Variants in ITGBL1 observed in about 807,000 individuals in gnomAD.
The protein encoded by ITGBL1 is integrin beta-like protein 1.
In ITGBL1, 51 loss-of-function variants were observed where a neutral mutation model predicts 68.5. The ratio of observed to expected loss-of-function variants is 0.74; its 90% CI spans 0.59 to 0.94. The LOEUF is 0.94. Among genes scored for constraint, ITGBL1 ranks in the 40% least tolerant of loss-of-function variants. The pLI, the probability that ITGBL1 is intolerant of heterozygous loss-of-function variation, is 0.00. For missense variants in ITGBL1, 649 were observed against 647.4 expected, an observed-to-expected ratio of 1.00 and a Z score of -0.03; for synonymous variants, 209 against 227.3, an observed-to-expected ratio of 0.92 and a Z score of 0.72.
chr13:101,484,332 C>T (rs1341420352), intron 2 of ITGBL1, among the ~76,000 whole-genome samples: 1 of 152,060 alleles, frequency 6.6e-6, no homozygotes, highest in Non-Finnish European at 1.5e-5. Flanking sequence ...ATATTTCCTG[C>T]CATGAATTTA....
At chr13:101,573,419 T>A (rs1355178664) in intron 3 of ITGBL1, among the ~76,000 whole-genome samples, 1 of 152,176 alleles carries the variant, frequency 6.6e-6, no homozygotes, top group Non-Finnish European at 1.5e-5. Context: ...TTGCAAGTGA[T>A]CTGGGTAACA....
At chr13:101,683,294 A>G (rs1387758153) in intron 7 of ITGBL1, among the ~76,000 whole-genome samples, 1 of 152,038 alleles carries the variant, frequency 6.6e-6, no homozygotes, top group African/African-American at 2.4e-5. Flanking sequence ...AAACAGTGTG[A>G]TAGTTAGACG....
chr13:101,621,685 T>C (rs1393731406), intron 7 of ITGBL1, among the ~76,000 whole-genome samples: 2 of 152,158 alleles, frequency 1.3e-5, no homozygotes, highest in South Asian at 2.1e-4. Context: ...TCTTAATGCA[T>C]TGAAATGAAG....
At chr13:101,518,124 A>G (rs755593124) in intron 2 of ITGBL1, among the ~76,000 whole-genome samples, 1 of 152,182 alleles carries the variant, frequency 6.6e-6, no homozygotes, top group Non-Finnish European at 1.5e-5. Flanking sequence ...AAATGTTAAG[A>G]AAGGAACCAA....
chr13:101,478,256 C>T (rs1307814203), intron 2 of ITGBL1, among the ~76,000 whole-genome samples: 2 of 151,616 alleles, frequency 1.3e-5, no homozygotes, highest in East Asian at 3.9e-4. Flanking sequence ...TCAGTTGATA[C>T]TGAAAAAGCA....
At chr13:101,540,661 C>G (rs1382467236) in intron 2 of ITGBL1, among the ~76,000 whole-genome samples, 1 of 152,148 alleles carries the variant, frequency 6.6e-6, no homozygotes, top group Admixed American at 6.5e-5. Context: ...GCCATTTTCA[C>G]GATATCGATT....
At chr13:101,605,043 CAT>C (rs1566753274) in intron 7 of ITGBL1, among the ~76,000 whole-genome samples, 2 of 129,628 alleles carry the variant, frequency 1.5e-5, no homozygotes, top group Non-Finnish European at 3.3e-5. Flanking sequence ...TACATATACG[CAT>C]ATATGTGTAT....
intron 2 of ITGBL1, among the ~76,000 whole-genome samples, chr13:101,530,549 A>T (rs2049455898): frequency 6.6e-6 from 1 of 152,052 alleles, no homozygotes; most frequent in Admixed American, 6.6e-5. Context: ...GGCTTCCAAA[A>T]CCAAGACTGA....
intron 2 of ITGBL1, among the ~76,000 whole-genome samples, chr13:101,472,648 G>A (rs2048478647): frequency 6.6e-6 from 1 of 152,002 alleles, no homozygotes; most frequent in Non-Finnish European, 1.5e-5. Flanking sequence ...GGCATTGGGT[G>A]GCCAGTCAAC....
intron 7 of ITGBL1, among the ~76,000 whole-genome samples, chr13:101,664,516 C>A (rs955304557): frequency 7.9e-5 from 12 of 151,698 alleles, no homozygotes; most frequent in African/African-American, 2.7e-4. Context: ...TTATTTATGT[C>A]TATAATGTAA....
chr13:101,543,361 T>C (rs1196732174), intron 2 of ITGBL1, among the ~76,000 whole-genome samples: 1 of 152,216 alleles, frequency 6.6e-6, no homozygotes, highest in Admixed American at 6.5e-5. Flanking sequence ...AAAATTCTTT[T>C]CTTTACGAAT....
At chr13:101,585,362 A>G (rs1238154563) in intron 6 of ITGBL1, among the ~76,000 whole-genome samples, 1 of 152,236 alleles carries the variant, frequency 6.6e-6, no homozygotes, top group Non-Finnish European at 1.5e-5. Flanking sequence ...TTAAACCAAG[A>G]GAATTTCAAG....
chr13:101,661,743 T>G (rs960727216), intron 7 of ITGBL1, among the ~76,000 whole-genome samples: 1 of 152,162 alleles, frequency 6.6e-6, no homozygotes, highest in Admixed American at 6.6e-5. Context: ...ACCTAATATT[T>G]TTTTTCAAAA....
chr13:101,619,539 G>A (rs143473564), intron 7 of ITGBL1, among the ~76,000 whole-genome samples: 67 of 152,242 alleles, frequency 4.4e-4, no homozygotes, highest in African/African-American at 1.5e-3. Flanking sequence ...TAGTCTTGAC[G>A]ACACCTTGAT....
At chr13:101,474,652 G>A (rs951253891) in intron 2 of ITGBL1, among the ~76,000 whole-genome samples, 3 of 152,176 alleles carry the variant, frequency 2.0e-5, no homozygotes, top group Non-Finnish European at 2.9e-5. Context: ...GACTGACCCA[G>A]AGTAGTCCCA....
intron 2 of ITGBL1, among the ~76,000 whole-genome samples, chr13:101,535,735 C>T (rs1161522879): frequency 1.3e-5 from 2 of 152,054 alleles, no homozygotes; most frequent in Non-Finnish European, 2.9e-5. Flanking sequence ...TGTTCTTAAG[C>T]TCTTCAAAGA....
At chr13:101,480,158 T>C (rs1294028879) in intron 2 of ITGBL1, among the ~76,000 whole-genome samples, 1 of 152,064 alleles carries the variant, frequency 6.6e-6, no homozygotes, top group Non-Finnish European at 1.5e-5. Flanking sequence ...TGAGATCTTG[T>C]CATTTGAAAC....
In ITGBL1 at chr13:101,544,571, T is replaced by G. The variant is rs558772616; in HGVS notation, c.317-23128T>G. ...CTGCATGCTGGGAGAACCACTACTC[T>G]TTTCAAAGCTATCAGACAGGGACAT... On this transcript the variant is annotated intron_variant, in intron 2 of 10. Transcript: ENST00000376180. 1.3e-3 allele frequency among the ~76,000 whole-genome samples: 197 copies of G among 152,204 alleles called. 2 individuals carry two copies. Among genetic ancestry groups the G allele is most frequent in the African/African-American group, 4.6e-3 (192 of 41,494 alleles).
At chr13:101,519,194 G>A (rs67040454) in intron 2 of ITGBL1, among the ~76,000 whole-genome samples, 2,736 of 152,066 alleles carry the variant, frequency 0.018, 24 homozygotes, top group Non-Finnish European at 0.027. Flanking sequence ...GACAGTACCC[G>A]GGCCTCTGCA....
Sources: gnomAD v4.1 joint callset for allele counts (sites outside exome capture counted in the v4.1 genomes callset) on GRCh38, gnomAD v4.1.1 for gene constraint, MANE v1.5 for transcripts, NCBI Gene and HGNC (gene_info 2026-07-23, HGNC 2026-07-21) for gene names.